The following SPAG1 variants were observed in gnomAD, a reference collection of about 807,000 sequenced individuals.
The protein encoded by SPAG1 is sperm-associated antigen 1.
SPAG1 carries 69 observed loss-of-function variants against 100.5 expected under a neutral mutation model. That is an observed-to-expected ratio of 0.69 (90% CI 0.57 to 0.84). The LOEUF (loss-of-function observed/expected upper bound fraction) is 0.84. Among genes scored for constraint, SPAG1 ranks in the 40% least tolerant of loss-of-function variants. SPAG1 has a pLI of 0.00. For missense variants in SPAG1, 955 were observed against 1,133.1 expected (o/e 0.84, Z 2.26); for synonymous variants, 336 against 411.6 (o/e 0.82, Z 2.22).
At chr8:100,187,397 T>A (rs910237738) in intron 8 of SPAG1, 147 bp downstream of exon 8, 1 of 526,506 alleles carries the variant, frequency 1.9e-6, no homozygotes, top group Non-Finnish European at 3.0e-6. Flanking sequence ...AAGTTGCTTT[T>A]AAATTGAACT....
chr8:100,208,166 A>G lies in SPAG1; in HGVS notation c.1097-4924A>G, dbSNP rs549533996. The stretch of plus-strand genomic sequence containing the variant: ...GGGAGGAATGCTGCCACAAGGAGAC[A>G]CAACAATGATCCTGTTAAACTGGAA... On this transcript the variant is annotated intron_variant, in intron 10 of 18. Transcript: ENST00000388798. Among the ~76,000 whole-genome samples the G allele has an allele frequency of 1.3e-4, 20 of 152,350 alleles. No homozygotes were observed. In the South Asian group the frequency reaches 4.1e-3, roughly 32 times the overall value.
chr8:100,176,656 C>T (rs889758456), intron 3 of SPAG1, among the ~76,000 whole-genome samples: 33 of 152,196 alleles, frequency 2.2e-4, no homozygotes, highest in African/African-American at 7.0e-4. Flanking sequence ...TGAGCCACCA[C>T]GCCCAGCCAG....
intron 10 of SPAG1, among the ~76,000 whole-genome samples, chr8:100,198,190 A>G (rs1326254703): frequency 1.3e-5 from 2 of 152,238 alleles, no homozygotes; most frequent in Non-Finnish European, 2.9e-5. Context: ...CACAAACAGA[A>G]GAATAAATAT....
At chr8:100,171,862 C>T (rs1363834785) in intron 3 of SPAG1, among the ~76,000 whole-genome samples, 1 of 152,130 alleles carries the variant, frequency 6.6e-6, no homozygotes, top group African/African-American at 2.4e-5. Flanking sequence ...TAGTTCCTGA[C>T]TCCGTCAGGC....
At chr8:100,231,349 T>C in intron 15 of SPAG1, 61 bp downstream of exon 15, 1 of 1,165,082 alleles carries the variant, frequency 8.6e-7, no homozygotes, top group East Asian at 2.6e-5. Context: ...TAAAAATATT[T>C]TAAGTTATTT....
At chr8:100,174,353 A>T (rs1242392186) in intron 3 of SPAG1, among the ~76,000 whole-genome samples, 1 of 152,222 alleles carries the variant, frequency 6.6e-6, no homozygotes, top group African/African-American at 2.4e-5. Context: ...GGATCATCAT[A>T]AAGGTCTTTA....
At chr8:100,197,487 A>C (rs1817082963) in intron 10 of SPAG1, among the ~76,000 whole-genome samples, 1 of 152,200 alleles carries the variant, frequency 6.6e-6, no homozygotes. Context: ...GTTACATATC[A>C]AACAGTCATT....
In SPAG1 at chr8:100,173,265, G is replaced by A. The variant is rs886406442; in HGVS notation, c.301-4551G>A. Among the ~76,000 whole-genome samples the A allele has an allele frequency of 1.6e-4, 25 of 151,734 alleles. 1 individual carries two copies. The highest frequency in any genetic ancestry group is 6.0e-4 in the African/African-American group (25 of 41,374). On this transcript the variant is annotated intron_variant, in intron 3 of 18. Coordinates refer to ENST00000388798, the MANE Select transcript of SPAG1 (RefSeq NM_003114.5). ...CCAGGCTGGTCTAGAACTCTTGTTG[G>A]CCACTTTGCAAGTTAGTCTCCTTCT...
At chr8:100,185,045 G>A (rs1160840722) in intron 7 of SPAG1, 1 of 247,838 alleles carries the variant, frequency 4.0e-6, no homozygotes, top group African/African-American at 2.4e-5. Flanking sequence ...TTCCATTGTA[G>A]ACTGCCTGGA....
At chr8:100,205,801 G>A (rs903652480) in intron 10 of SPAG1, among the ~76,000 whole-genome samples, 3 of 151,880 alleles carry the variant, frequency 2.0e-5, no homozygotes, top group Admixed American at 6.6e-5. Flanking sequence ...CAGATCACGA[G>A]GTCAAGAGAT....
intron 18 of SPAG1, 23 bp from the exon 19 acceptor site, chr8:100,240,868 T>TG: frequency 6.4e-7 from 1 of 1,557,396 alleles, no homozygotes; most frequent in Non-Finnish European, 8.6e-7. Context: ...TTTTTTGTTT[T>TG]TTTTTTTTTT....
At chr8:100,190,663 CT>C (rs758612610) in intron 8 of SPAG1, among the ~76,000 whole-genome samples, 57 of 111,802 alleles carry the variant, frequency 5.1e-4, no homozygotes, top group African/African-American at 5.2e-4. Context: ...CTTTTTTTTT[CT>C]TTTTTTTTTT....
chr8:100,182,453 T>C (rs939058522), intron 4 of SPAG1, among the ~76,000 whole-genome samples: 4 of 152,058 alleles, frequency 2.6e-5, no homozygotes. Context: ...CCAGAATGCT[T>C]GTGGTGATGT....
chr8:100,172,377 G>C (rs1206348047), intron 3 of SPAG1, among the ~76,000 whole-genome samples: 1 of 152,094 alleles, frequency 6.6e-6, no homozygotes, highest in South Asian at 2.1e-4. Context: ...CCAGCACTTT[G>C]GGAGGCCGAG....
chr8:100,234,731 T>G (rs1040586237), intron 16 of SPAG1, among the ~76,000 whole-genome samples: 3 of 152,224 alleles, frequency 2.0e-5, no homozygotes, highest in Non-Finnish European at 4.4e-5. Context: ...ATGGATGGAC[T>G]TGTTTACAAA....
At chr8:100,166,641 C>G (rs1003722922) in intron 3 of SPAG1, among the ~76,000 whole-genome samples, 1 of 152,034 alleles carries the variant, frequency 6.6e-6, no homozygotes, top group African/African-American at 2.4e-5. Flanking sequence ...TGTGGTTGCT[C>G]ACACCACCTG....
intron 10 of SPAG1, among the ~76,000 whole-genome samples, chr8:100,201,422 G>A (rs186528402): frequency 7.4e-4 from 112 of 152,028 alleles, no homozygotes; most frequent in Middle Eastern, 3.4e-3. Flanking sequence ...ACTATGCCTG[G>A]GCAACTCCTG....
In SPAG1 at chr8:100,240,984, G is replaced by T. The variant is rs750833596; in HGVS notation, c.2743G>T (p.Glu915Ter). The T allele has an allele frequency of 3.1e-6, 5 of 1,612,198 alleles. No homozygotes were observed. The South Asian group carries it at 5.5e-5, about 18-fold the overall frequency. Reference sequence around the variant, plus strand: ...CACACCAAACAACCATTTTACTTTAGAAGATATACAGGCCCTAAAAAGGCA... The same window carrying T: ...CACACCAAACAACCATTTTACTTTATAAGATATACAGGCCCTAAAAAGGCA... ...SDTPNNHFTL[E>*]DIQALKRQYE... is the part of the protein sequence containing the mutation. The change falls in exon 19 of 19, where the codon GAA becomes TAA. Residue 915 changes from glutamate to a stop codon, truncating the protein, a stop_gained. Coordinates refer to ENST00000388798, the MANE Select transcript of SPAG1 (RefSeq NM_003114.5). LOFTEE classifies it high-confidence loss of function.
chr8:100,161,840 G>A (rs951944114), intron 1 of SPAG1, among the ~76,000 whole-genome samples: 8 of 152,216 alleles, frequency 5.3e-5, no homozygotes, highest in Non-Finnish European at 8.8e-5. Flanking sequence ...ATGAATGCAC[G>A]CTTACACATG....
Sources: allele counts gnomAD v4.1 joint callset (sites outside exome capture counted in the v4.1 genomes callset), GRCh38; gene constraint gnomAD v4.1.1; transcripts MANE v1.5; gene names NCBI Gene and HGNC (gene_info 2026-07-23, HGNC 2026-07-21).